Variants in COL5A1 observed in about 807,000 individuals in gnomAD.
COL5A1 encodes the protein collagen type V alpha 1 chain, also known as collagen alpha-1(V) chain.
A neutral mutation model predicts 263.7 loss-of-function variants in COL5A1; 16 were observed. The ratio of observed to expected loss-of-function variants is 0.06; its 90% confidence interval spans 0.04 to 0.09. The LOEUF is 0.09. COL5A1 is among the 10% of genes least tolerant of loss of function. COL5A1 has a pLI of 1.00. For missense variants in COL5A1, 2,036 were observed against 2,540.5 expected (o/e 0.80, Z 4.27); for synonymous variants, 1,012 against 1,004.5 (o/e 1.01, Z -0.14).
chr9:134,646,901 G>A (rs942280128), intron 1 of COL5A1, among the ~76,000 whole-genome samples: 4 of 152,196 alleles, frequency 2.6e-5, no homozygotes, highest in Non-Finnish European at 4.4e-5. Flanking sequence ...GGCTGGGCGA[G>A]GACAAGTCAC....
chr9:134,785,241 C>T, intron 30 of COL5A1, 145 bp downstream of exon 30: 1 of 644,448 alleles, frequency 1.6e-6, no homozygotes, highest in Non-Finnish European at 2.8e-6. Flanking sequence ...ACCCTGGGTT[C>T]TCTCTGCTGT....
Position 134,730,238 on chromosome 9 carries a change from G to A in COL5A1, c.927G>A (p.Glu309=), listed in dbSNP as rs977565102. The A allele has an allele frequency of 6.2e-7, 1 of 1,613,442 alleles. No individual in the cohort carries two copies. The highest frequency in any genetic ancestry group is 8.5e-7 in the Non-Finnish European group (1 of 1,180,014). ...CTGTCTCTGTCCTTGGCTCCCAGGA[G>A]CTGACCCCGACCCCCACGGAAGCTG... ...AAKETTEVPE[E]LTPTPTEAAP... The change falls in exon 7 of 66, where the codon GAG becomes GAA. Residue 309 remains glutamate, a splice_region_variant and synonymous_variant. Transcript: ENST00000371817.
chr9:134,756,853 T>A (rs746342074), intron 17 of COL5A1, 35 bp downstream of exon 17: 1 of 1,600,674 alleles, frequency 6.2e-7, no homozygotes, highest in Admixed American at 1.7e-5. Context: ...TGCCCTGGCA[T>A]CACTGTCATC....
intron 18 of COL5A1, among the ~76,000 whole-genome samples, chr9:134,761,195 C>T (rs913045589): frequency 2.0e-5 from 3 of 148,606 alleles, no homozygotes; most frequent in African/African-American, 5.0e-5. Context: ...CCCCCCATCC[C>T]CCCACATGCA....
At position 134,691,001 on chromosome 9, in the gene COL5A1, T is replaced by C; in HGVS notation, c.199T>C (p.Ser67Pro). The change falls in exon 2 of 66, where the codon TCT (serine) becomes CCT (proline). Residue 67 changes from serine (S) to proline (P), a missense_variant. Coordinates refer to ENST00000371817, the MANE Select transcript of COL5A1 (RefSeq NM_000093.5). ...AACAGGCTTTTGCGCCACGCGGCGA[T>C]CTTCCAAAGGCCCGGATGTCGCTTA... ...KTTGFCATRR[S>P]SKGPDVAYRV... 6.2e-7 allele frequency: 1 copy of C among 1,613,832 alleles called. No individual in the cohort carries two copies. The highest frequency in any genetic ancestry group is 8.5e-7 in the Non-Finnish European group (1 of 1,180,044).
intron 4 of COL5A1, among the ~76,000 whole-genome samples, chr9:134,705,103 T>G (rs4842145): frequency 6.6e-6 from 1 of 152,100 alleles, no homozygotes; most frequent in Admixed American, 6.5e-5. Context: ...AGAGTTATAC[T>G]GAACAAGGAT....
intron 65 of COL5A1, among the ~76,000 whole-genome samples, chr9:134,839,484 G>T (rs939080715): frequency 2.0e-5 from 3 of 152,212 alleles, no homozygotes; most frequent in Admixed American, 6.5e-5. Context: ...GAAGGGCTGT[G>T]ACCGACGCCA....
At chr9:134,770,203 C>T (rs903514345) in intron 25 of COL5A1, among the ~76,000 whole-genome samples, 1 of 152,230 alleles carries the variant, frequency 6.6e-6, no homozygotes, top group African/African-American at 2.4e-5. Context: ...AAAGGCAGCA[C>T]ATTGAGGGTA....
At position 134,772,775 on chromosome 9, in the gene COL5A1, C is replaced by T. The variant is rs771652035; in HGVS notation, c.2287-15C>T. On this transcript the variant is annotated splice_polypyrimidine_tract_variant and intron_variant, in intron 25 of 65. Coordinates refer to ENST00000371817, the MANE Select transcript of COL5A1 (RefSeq NM_000093.5). Reference sequence around the variant, plus strand: ...GAGTGGCACTGACTAATCAATGCTTCTTCTTTTGTGACAGGGACACCCTGG... The same window carrying T: ...GAGTGGCACTGACTAATCAATGCTTTTTCTTTTGTGACAGGGACACCCTGG... 4 of 1,614,088 alleles carry T rather than the reference C, an allele frequency of 2.5e-6. No individual in the cohort carries two copies. In the East Asian group the frequency reaches 8.9e-5, roughly 36 times the overall value.
rs969370500 is a variant in COL5A1 at position 134,841,663 on chromosome 9, G to T, written c.5371-494G>T. 6.6e-6 allele frequency among the ~76,000 whole-genome samples: 1 copy of T among 152,118 alleles called. No homozygotes were observed. Among genetic ancestry groups the T allele is most frequent in the Admixed American group, 6.5e-5 (1 of 15,280 alleles). On this transcript the variant is annotated intron_variant, in intron 65 of 65. Coordinates refer to ENST00000371817, the MANE Select transcript of COL5A1 (RefSeq NM_000093.5). The surrounding 1 kb of genome is among the most constrained non-coding windows in gnomAD (Gnocchi z 4.8). ...GTGTGTGGCAGGTGGTCGTAGGGGG[G>T]TCTTACTTGGCTCAAGGCTCTGCCG... is the stretch of plus-strand genomic sequence containing the variant.
chr9:134,730,508 G>T, intron 7 of COL5A1, 33 bp downstream of exon 7: 1 of 1,612,980 alleles, frequency 6.2e-7, no homozygotes. Context: ...GTTTGGTCTG[G>T]GGCAGTGGGC....
intron 36 of COL5A1, among the ~76,000 whole-genome samples, chr9:134,797,799 C>G (rs750695558): frequency 2.2e-4 from 34 of 152,306 alleles, no homozygotes; most frequent in Middle Eastern, 3.4e-3. Flanking sequence ...CCATCTCTTT[C>G]ATTTTATAAG....
chr9:134,715,955 A>G (rs534514343), intron 4 of COL5A1, among the ~76,000 whole-genome samples: 2 of 149,738 alleles, frequency 1.3e-5, no homozygotes, highest in East Asian at 2.0e-4. Context: ...TGGTGATGGT[A>G]GTGATGAAGA....
intron 4 of COL5A1, among the ~76,000 whole-genome samples, chr9:134,723,323 T>A (rs199939563): frequency 6.6e-6 from 1 of 151,840 alleles, no homozygotes; most frequent in African/African-American, 2.4e-5. Context: ...TGCGGGGGGT[T>A]CAGTCCCTGA....
intron 4 of COL5A1, chr9:134,709,041 T>C (rs1295362408): frequency 7.0e-6 from 3 of 429,812 alleles, no homozygotes; most frequent in Non-Finnish European, 1.4e-5. Flanking sequence ...TAATCTAGGA[T>C]GTTCCCATTT....
rs373678456 is a variant in COL5A1 at position 134,676,615 on chromosome 9, C to A, written c.110-14297C>A. Among the ~76,000 whole-genome samples the A allele has an allele frequency of 1.0e-4, 8 of 77,126 alleles. No individual in the cohort carries two copies. The East Asian group carries it at 1.7e-3, about 16-fold the overall frequency. The allele number at this position is 77,126 out of a possible 152,430, so 50.6% of individuals were successfully genotyped here. A position where few individuals can be genotyped will look rare whatever the true frequency, so the allele number is the denominator to read the frequency against. On this transcript the variant is annotated intron_variant, in intron 1 of 65. Coordinates refer to ENST00000371817, the MANE Select transcript of COL5A1 (RefSeq NM_000093.5). ...AATTGCTGCTCCCGAAAGGCTCCTT[C>A]TTCCACTGGCATTCGTCTTGGAGCC...
At chr9:134,770,591 G>C (rs1358654059) in intron 25 of COL5A1, among the ~76,000 whole-genome samples, 1 of 152,242 alleles carries the variant, frequency 6.6e-6, no homozygotes, top group Admixed American at 6.5e-5. Context: ...GACGACAGAT[G>C]ATTCTATCAT....
rs911643424 is a variant in COL5A1 at position 134,696,223 on chromosome 9, G to T, written c.278-3686G>T. Reference sequence around the variant, plus strand: ...GAGTCTCACTCTGTCGCCCAGGCTGGAGTGCAGTGGTGTAATCTTGGCTCA... The same window carrying T: ...GAGTCTCACTCTGTCGCCCAGGCTGTAGTGCAGTGGTGTAATCTTGGCTCA... On this transcript the variant is annotated intron_variant, in intron 2 of 65. Transcript: ENST00000371817. This position sits in a 1 kb window ranked among gnomAD's most constrained non-coding sequence, Gnocchi z 4.3. Among the ~76,000 whole-genome samples, 1 of 152,104 alleles carries T rather than the reference G, an allele frequency of 6.6e-6. No individual in the cohort carries two copies. The highest frequency in any genetic ancestry group is 1.5e-5 in the Non-Finnish European group (1 of 68,028).
intron 64 of COL5A1, chr9:134,830,429 G>A (rs1839563957): frequency 3.5e-6 from 2 of 572,858 alleles, no homozygotes; most frequent in East Asian, 2.9e-5. Flanking sequence ...AGAGCTGGGT[G>A]TGGGCCCCAG....
Sources: allele counts gnomAD v4.1 joint callset (sites outside exome capture counted in the v4.1 genomes callset), GRCh38; gene constraint gnomAD v4.1.1; non-coding constraint Gnocchi (gnomAD v3.1); transcripts MANE v1.5; gene names NCBI Gene and HGNC (gene_info 2026-07-23, HGNC 2026-07-21).